Variants in CAMK2D observed in about 807,000 individuals in gnomAD.
The protein encoded by CAMK2D is calcium/calmodulin-dependent protein kinase type II subunit delta.
Under a neutral mutation model 84.0 loss-of-function variants are expected in CAMK2D, and 37 were observed. The ratio of observed to expected loss-of-function variants is 0.44; its 90% CI spans 0.34 to 0.58. The LOEUF (loss-of-function observed/expected upper bound fraction) is 0.58, where lower values mean the gene tolerates loss of function less well. CAMK2D is among the 20% of genes least tolerant of loss of function. The pLI is 0.02. For missense variants in CAMK2D, 448 were observed against 652.5 expected, an observed-to-expected ratio of 0.69 and a Z score of 3.41; for synonymous variants, 202 against 212.5, an observed-to-expected ratio of 0.95 and a Z score of 0.43.
chr4:113,482,168 A>C (rs1353460123), intron 16 of CAMK2D, among the ~76,000 whole-genome samples: 2 of 152,228 alleles, frequency 1.3e-5, no homozygotes, highest in African/African-American at 4.8e-5. Context: ...AATAGACTGT[A>C]AGCAGAAGCA....
intron 17 of CAMK2D, 54 bp downstream of exon 17, chr4:113,465,475 A>AT: frequency 1.0e-6 from 1 of 990,842 alleles, no homozygotes; most frequent in Non-Finnish European, 1.6e-6. Flanking sequence ...ATGCATTCAT[A>AT]TAAAAAATAT....
intron 16 of CAMK2D, among the ~76,000 whole-genome samples, chr4:113,496,607 C>T (rs1001023818): frequency 1.3e-5 from 2 of 152,024 alleles, no homozygotes; most frequent in Non-Finnish European, 2.9e-5. Context: ...TACCACAGTG[C>T]CCAGCTAATT....
chr4:113,691,646 G>A (rs558568701), intron 2 of CAMK2D, among the ~76,000 whole-genome samples: 128 of 152,084 alleles, frequency 8.4e-4, no homozygotes, highest in Non-Finnish European at 1.6e-3. Flanking sequence ...TCAGCTACTC[G>A]GGAGGCTGAG....
At chr4:113,687,325 GT>G (rs1561837062) in intron 2 of CAMK2D, among the ~76,000 whole-genome samples, 1 of 152,164 alleles carries the variant, frequency 6.6e-6, no homozygotes, top group African/African-American at 2.4e-5. Flanking sequence ...GTGATGGGAT[GT>G]TTTTTAACTT....
chr4:113,592,711 C>T (rs964027560), intron 4 of CAMK2D, among the ~76,000 whole-genome samples: 1 of 151,896 alleles, frequency 6.6e-6, no homozygotes, highest in Admixed American at 6.6e-5. Context: ...ACAGATCAAA[C>T]TAATAATCTT....
rs17046072 is a variant in CAMK2D, at chr4:113,453,657, C to T, written c.*888G>A. On this transcript the variant is annotated 3_prime_UTR_variant, in exon 21 of 21. Coordinates refer to ENST00000511664, the MANE Select transcript of CAMK2D (RefSeq NM_001321571.2). ...TACATTCATTATGCAAATTTCACTT[C>T]TATTCTTTTCTCACACACTACTAGC... is the stretch of plus-strand genomic sequence containing the variant. 0.16 allele frequency: 24,286 copies of T among 152,066 alleles called. 1,994 individuals carry two copies. The highest frequency in any genetic ancestry group is 0.2 in the Middle Eastern group (59 of 294). The allele number at this position is 152,066 out of a possible 1,614,324, so 9.4% of individuals were successfully genotyped here.
chr4:113,529,866 T>C (rs991405329), intron 8 of CAMK2D, among the ~76,000 whole-genome samples: 4 of 152,178 alleles, frequency 2.6e-5, no homozygotes, highest in Admixed American at 2.0e-4. Flanking sequence ...ATTGAGAAGA[T>C]AGCAGCATAA....
rs2097305004 is a variant in CAMK2D at position 113,456,503 on chromosome 4, G to C, written c.1536-682C>G. 3 of 84,706 alleles carry C rather than the reference G, an allele frequency of 3.5e-5. No individual in the cohort carries two copies. The South Asian group carries it at 1.0e-3, about 28-fold the overall frequency. 5.2% of individuals were successfully genotyped at this position (84,706 alleles called of 1,614,324 possible). A position where few individuals can be genotyped will look rare whatever the true frequency, so the allele number is the denominator to read the frequency against. ...TACTTTTCTTCATGATGCTCATTTAGCTTGGACTATCCATCCTCCTTTGCT... is the reference window on the plus strand; with the variant it reads ...TACTTTTCTTCATGATGCTCATTTACCTTGGACTATCCATCCTCCTTTGCT... On this transcript the variant is annotated intron_variant, in intron 19 of 20. Coordinates refer to ENST00000511664, the MANE Select transcript of CAMK2D (RefSeq NM_001321571.2).
chr4:113,559,139 CACAG>C (rs2098686469), intron 4 of CAMK2D, among the ~76,000 whole-genome samples: 1 of 150,728 alleles, frequency 6.6e-6, no homozygotes, highest in Admixed American at 6.6e-5. Context: ...TTGCAAGCAC[CACAG>C]ACATTCTAAA....
At chr4:113,482,354 C>T (rs1025455615) in intron 16 of CAMK2D, among the ~76,000 whole-genome samples, 1 of 151,824 alleles carries the variant, frequency 6.6e-6, no homozygotes, top group South Asian at 2.1e-4. Context: ...ACTAAGGAGA[C>T]AAAGAAATTA....
At chr4:113,585,904 A>ATGCCT (rs2098832280) in intron 4 of CAMK2D, among the ~76,000 whole-genome samples, 1 of 152,190 alleles carries the variant, frequency 6.6e-6, no homozygotes, top group Non-Finnish European at 1.5e-5. Flanking sequence ...TGGCATGTAT[A>ATGCCT]TGCCTTGTTG....
chr4:113,550,739 T>C (rs1342829234), intron 5 of CAMK2D, among the ~76,000 whole-genome samples: 3 of 152,218 alleles, frequency 2.0e-5, no homozygotes, highest in African/African-American at 7.2e-5. Context: ...AGGTTCCCCA[T>C]GGCCCCTTTC....
At chr4:113,521,284 A>G (rs2154173733) in intron 8 of CAMK2D, among the ~76,000 whole-genome samples, 1 of 152,210 alleles carries the variant, frequency 6.6e-6, no homozygotes, top group South Asian at 2.1e-4. Context: ...ATGTATTTCA[A>G]TCTATTATGT....
intron 1 of CAMK2D, among the ~76,000 whole-genome samples, chr4:113,760,454 T>C (rs1396715800): frequency 1.3e-5 from 2 of 152,134 alleles, no homozygotes; most frequent in African/African-American, 4.8e-5. Flanking sequence ...GGGTGGCCCT[T>C]TTCCTGGACA....
At position 113,509,671 on chromosome 4, in the gene CAMK2D, G is replaced by A; in HGVS notation, c.951C>T (p.Ala317=). ...CATCTGGTTTCTTCAACAAACTCTT[G>A]GCTGCTGTAAAATGAGAGTAAAATC... ...TMLATRNFSA[A]KSLLKKPDGV... is the part of the protein sequence containing the mutation. Residue 317 remains alanine, a synonymous_variant, in exon 13 of 21, where the codon GCC becomes GCT. Transcript: ENST00000511664. 2 of 1,607,694 alleles carry A rather than the reference G, an allele frequency of 1.2e-6. No homozygotes were observed. Among genetic ancestry groups the A allele is most frequent in the Non-Finnish European group, 1.7e-6 (2 of 1,174,200 alleles).
chr4:113,547,330 GA>G (rs2098586357), intron 6 of CAMK2D, among the ~76,000 whole-genome samples: 1 of 152,158 alleles, frequency 6.6e-6, no homozygotes, highest in South Asian at 2.1e-4. Flanking sequence ...AACAAATTTA[GA>G]GTGAAGATCA....
At chr4:113,728,418 T>C (rs963966213) in intron 2 of CAMK2D, among the ~76,000 whole-genome samples, 2 of 152,082 alleles carry the variant, frequency 1.3e-5, no homozygotes, top group Admixed American at 6.6e-5. Context: ...AACTAACATA[T>C]GGTGATCAAA....
intron 2 of CAMK2D, among the ~76,000 whole-genome samples, chr4:113,755,337 T>A (rs1189242189): frequency 3.3e-5 from 5 of 151,762 alleles, no homozygotes; most frequent in African/African-American, 1.2e-4. Flanking sequence ...TCAAAGAATA[T>A]CAAAATGACT....
intron 2 of CAMK2D, among the ~76,000 whole-genome samples, chr4:113,720,100 G>A (rs972495177): frequency 6.6e-6 from 1 of 152,048 alleles, no homozygotes; most frequent in Non-Finnish European, 1.5e-5. Flanking sequence ...GATAGCAGAT[G>A]ACAAGCCGAG....
Sources: gnomAD v4.1 joint callset for allele counts (sites outside exome capture counted in the v4.1 genomes callset) on GRCh38, gnomAD v4.1.1 for gene constraint, MANE v1.5 for transcripts, NCBI Gene and HGNC (gene_info 2026-07-23, HGNC 2026-07-21) for gene names.